Variants in KLKB1 observed in about 807,000 individuals in gnomAD.
KLKB1 encodes the protein plasma kallikrein.
In KLKB1, 58 loss-of-function variants were observed where a neutral mutation model predicts 73.6. The observed-to-expected ratio is 0.79, with a 90% confidence interval of 0.64 to 0.98. The LOEUF (loss-of-function observed/expected upper bound fraction) is 0.98, where lower values mean the gene tolerates loss of function less well. Ranked by LOEUF, KLKB1 falls within the 50% of genes least tolerant of loss-of-function variation. The probability of loss-of-function intolerance (pLI) is 0.00; values close to 1 mark genes in which losing one functional copy is unlikely to be tolerated. For missense variants in KLKB1, 737 were observed against 763.8 expected (o/e 0.96, Z 0.41); for synonymous variants, 280 against 258.1 (o/e 1.08, Z -0.81).
intron 14 of KLKB1, among the ~76,000 whole-genome samples, chr4:186,257,755 G>GTGTA (rs1378676240): frequency 1.8e-5 from 2 of 113,100 alleles, no homozygotes. Context: ...GTGTGTGTGT[G>GTGTA]TGTGTGTGTG....
At chr4:186,215,166 A>C (rs1736856573) in intron 2 of KLKB1, among the ~76,000 whole-genome samples, 1 of 151,948 alleles carries the variant, frequency 6.6e-6, no homozygotes, top group African/African-American at 2.4e-5. Context: ...TTTAGACATG[A>C]CTGTCTTATT....
At chr4:186,236,739 A>G (rs764888248) in intron 4 of KLKB1, 42 bp from the exon 5 acceptor site, 11 of 1,607,612 alleles carry the variant, frequency 6.8e-6, no homozygotes, top group Non-Finnish European at 9.4e-6. Flanking sequence ...ACCTCTAGAA[A>G]GAAAATGGAC....
chr4:186,221,560 T>G (rs1205170676), upstream of KLKB1, among the ~76,000 whole-genome samples: 1 of 152,198 alleles, frequency 6.6e-6, no homozygotes, highest in Non-Finnish European at 1.5e-5. Context: ...ACTCATTGGT[T>G]GTTCAGGAGT....
At position 186,252,110 on chromosome 4, in the gene KLKB1, C is replaced by G. The variant is rs1738713624; in HGVS notation, c.1238C>G (p.Thr413Arg). The change falls in exon 11 of 15, where the codon ACA (threonine) becomes AGA (arginine). Residue 413 changes from threonine (T) to arginine (R), a missense_variant. Coordinates refer to ENST00000264690, the MANE Select transcript of KLKB1 (RefSeq NM_000892.5). Reference protein sequence around the residue: ...PWQVSLQVKLTAQRHLCGGSL... With the variant: ...PWQVSLQVKLRAQRHLCGGSL... ...CAGGTGAGCCTGCAGGTGAAGCTGA[C>G]AGCTCAGAGGCACCTGTGTGGAGGG... 4.3e-6 allele frequency: 7 copies of G among 1,613,918 alleles called. No individual in the cohort carries two copies. The highest frequency in any genetic ancestry group is 1.3e-5 in the African/African-American group (1 of 74,944).
chr4:186,257,351 A>G lies in KLKB1; in HGVS notation c.1711A>G (p.Lys571Glu). 6.3e-7 allele frequency: 1 copy of G among 1,590,270 alleles called. No homozygotes were observed. Residue 571 changes from lysine (K) to glutamate (E), a missense_variant, in exon 14 of 15, where the codon AAA becomes GAA. Coordinates refer to ENST00000264690, the MANE Select transcript of KLKB1 (RefSeq NM_000892.5). ...CTGTGCTGGCTATAAAGAAGGGGGA[A>G]AAGATGCTTGTAAGGTAACTCATGA... ...MVCAGYKEGG[K>E]DACKGDSGGP...
At chr4:186,212,032 T>G (rs1736740605) in intron 2 of KLKB1, 1 of 152,184 alleles carries the variant, frequency 6.6e-6, no homozygotes, top group Admixed American at 6.5e-5. Context: ...ACTTTAGAAC[T>G]TATCTAGTTA....
At chr4:186,241,854 CA>C (rs983234012) in intron 6 of KLKB1, among the ~76,000 whole-genome samples, 60 of 152,146 alleles carry the variant, frequency 3.9e-4, no homozygotes, top group African/African-American at 1.2e-3. Flanking sequence ...GTTGCTTGGC[CA>C]AAATATCTAT....
chr4:186,239,502 T>A (rs1427989209), intron 6 of KLKB1, among the ~76,000 whole-genome samples: 1 of 130,656 alleles, frequency 7.7e-6, no homozygotes, highest in East Asian at 2.2e-4. Context: ...GATACTGTTA[T>A]AGGTACAGTG....
rs114817536 is a variant in KLKB1, at chr4:186,232,299, G to A, written c.221+10G>A. 1,272 of 1,612,772 alleles carry A rather than the reference G, an allele frequency of 7.9e-4. 2 individuals are homozygous for A. Among genetic ancestry groups the A allele is most frequent in the Non-Finnish European group, 9.8e-4 (1,160 of 1,178,826 alleles). On this transcript the variant is annotated intron_variant, in intron 3 of 14. Transcript: ENST00000264690. The stretch of plus-strand genomic sequence containing the variant: ...ATGACATGGAGAAAAGGTAAAAGTT[G>A]GTATTTCATTATTGGAGAAGCTGTT...
In KLKB1 at chr4:186,246,012, C is replaced by T. The variant is rs187966236; in HGVS notation, c.599-4231C>T. On this transcript the variant is annotated intron_variant, in intron 6 of 14. Coordinates refer to ENST00000264690, the MANE Select transcript of KLKB1 (RefSeq NM_000892.5). ...AAACGCTAACTGATTTGGGAGAGGT[C>T]GGATAAATAAAAAGGAACATTAATC... 4.0e-3 allele frequency among the ~76,000 whole-genome samples: 602 copies of T among 151,370 alleles called. 6 individuals are homozygous for T. The highest frequency in any genetic ancestry group is 0.014 in the African/African-American group (571 of 41,302).
chr4:186,212,448 C>T (rs563333552), intron 2 of KLKB1: 11 of 152,308 alleles, frequency 7.2e-5, no homozygotes, highest in African/African-American at 2.6e-4. Context: ...ATAGGCAATA[C>T]ATCTACCCAC....
intron 6 of KLKB1, among the ~76,000 whole-genome samples, chr4:186,241,438 T>G (rs976899469): frequency 3.9e-5 from 6 of 152,180 alleles, no homozygotes; most frequent in African/African-American, 1.4e-4. Context: ...TTTAATGGAT[T>G]TAATGGTGTT....
Position 186,236,847 on chromosome 4 carries a change from G to C in KLKB1, c.395G>C (p.Ser132Thr). Reference sequence around the variant, plus strand: ...GTCAATTTTAATGTGTCTAAGGTTAGCAGTGTTGAAGAATGCCAAAAAAGG... The same window carrying C: ...GTCAATTTTAATGTGTCTAAGGTTACCAGTGTTGAAGAATGCCAAAAAAGG... ...RGVNFNVSKV[S>T]SVEECQKRCT... The change falls in exon 5 of 15, where the codon AGC becomes ACC. Residue 132 changes from serine to threonine, a missense_variant. By Grantham distance (58) the Ser-to-Thr change is moderately conservative. Coordinates refer to ENST00000264690, the MANE Select transcript of KLKB1 (RefSeq NM_000892.5). 1 of 1,613,946 alleles carries C rather than the reference G, an allele frequency of 6.2e-7. No individual in the cohort carries two copies. Among genetic ancestry groups the C allele is most frequent in the Non-Finnish European group, 8.5e-7 (1 of 1,179,902 alleles).
intron 14 of KLKB1, 133 bp from the exon 15 acceptor site, chr4:186,257,888 C>T (rs1739099530): frequency 2.3e-6 from 2 of 865,234 alleles, no homozygotes; most frequent in Non-Finnish European, 3.8e-6. Context: ...TGAAACCCAT[C>T]TCTACAAAAA....
chr4:186,222,488 C>T (rs7669220), upstream of KLKB1, among the ~76,000 whole-genome samples: 3,666 of 152,188 alleles, frequency 0.024, 154 homozygotes, highest in African/African-American at 0.085. Flanking sequence ...TAGTTATAAC[C>T]ATCCATTTTA....
intron 4 of KLKB1, among the ~76,000 whole-genome samples, chr4:186,236,019 C>A (rs113076387): frequency 0.014 from 2,144 of 149,746 alleles, 28 homozygotes; most frequent in Non-Finnish European, 0.023. Context: ...GAGGCTGAGG[C>A]AGGAGAATGG....
Position 186,258,261 on chromosome 4 carries a change from A to C in KLKB1, c.*49A>C, listed in dbSNP as rs78169369. 9.5e-5 allele frequency: 145 copies of C among 1,521,030 alleles called. No individual in the cohort carries two copies. Among genetic ancestry groups the C allele is most frequent in the Non-Finnish European group, 1.2e-4 (133 of 1,106,178 alleles). The allele number at this position is 1,521,030 out of a possible 1,614,324, so 94.2% of individuals were successfully genotyped here. ...TTTTTACAACCTGAGTTCAAGTCAAATTCTGAGCCTGGGGGGTCCTCATCT... is the reference window on the plus strand; with the variant it reads ...TTTTTACAACCTGAGTTCAAGTCAACTTCTGAGCCTGGGGGGTCCTCATCT... On this transcript the variant is annotated 3_prime_UTR_variant, in exon 15 of 15. Coordinates refer to ENST00000264690, the MANE Select transcript of KLKB1 (RefSeq NM_000892.5).
chr4:186,250,422 C>T lies in KLKB1; in HGVS notation c.758+20C>T, dbSNP rs376007229. ...ACAAAGGCGAGTATGCATGGAAAAT[C>T]GCATCACAAAGGCGAGTATGCATGG... On this transcript the variant is annotated intron_variant, in intron 7 of 14. Transcript: ENST00000264690. 6.1e-5 allele frequency: 99 copies of T among 1,612,762 alleles called. No homozygotes were observed. The African/African-American group carries it at 9.1e-4, about 15-fold the overall frequency.
intron 5 of KLKB1, among the ~76,000 whole-genome samples, 154 bp downstream of exon 5, chr4:186,237,094 T>TTTTATTTA (rs570758109): frequency 6.6e-6 from 1 of 152,000 alleles, no homozygotes; most frequent in Non-Finnish European, 1.5e-5. Flanking sequence ...TTTTTTTATC[T>TTTTATTTA]TTTATTTATT....
Sources: gnomAD v4.1 joint callset for allele counts (sites outside exome capture counted in the v4.1 genomes callset) on GRCh38, gnomAD v4.1.1 for gene constraint, MANE v1.5 for transcripts, NCBI Gene and HGNC (gene_info 2026-07-23, HGNC 2026-07-21) for gene names.